Variants in IL20RA observed in about 807,000 individuals in gnomAD.
IL20RA encodes the protein interleukin-20 receptor subunit alpha.
Under a neutral mutation model 36.5 loss-of-function variants are expected in IL20RA, and 29 were observed. That is an observed-to-expected ratio of 0.79 (90% CI 0.59 to 1.08). The LOEUF is 1.08. Among genes scored for constraint, IL20RA ranks in the 50% least tolerant of loss-of-function variants. The pLI is 0.00. For missense variants in IL20RA, 652 were observed against 668.4 expected (o/e 0.98, Z 0.27); for synonymous variants, 279 against 267.1 (o/e 1.04, Z -0.43).
intron 2 of IL20RA, among the ~76,000 whole-genome samples, chr6:137,014,534 G>A (rs1775607909): frequency 6.6e-6 from 1 of 152,084 alleles, no homozygotes; most frequent in Non-Finnish European, 1.5e-5. Flanking sequence ...AACTACAGAA[G>A]TGCAAATGTT....
At chr6:137,043,993 T>G (rs1776805339) in intron 1 of IL20RA, 2 of 571,966 alleles carry the variant, frequency 3.5e-6, no homozygotes, top group Non-Finnish European at 4.4e-6. Context: ...CGTAAACGAG[T>G]TAAAAGTTTT....
chr6:137,043,851 C>T (rs921638182), intron 1 of IL20RA, among the ~76,000 whole-genome samples: 5 of 152,080 alleles, frequency 3.3e-5, no homozygotes, highest in African/African-American at 1.2e-4. Flanking sequence ...AAATCTTTTT[C>T]TCATGTACGA....
intron 5 of IL20RA, among the ~76,000 whole-genome samples, chr6:137,005,631 C>A (rs555936897): frequency 1.3e-3 from 194 of 152,106 alleles, no homozygotes; most frequent in Middle Eastern, 3.4e-3. Flanking sequence ...TATTCTAGAG[C>A]CTTCTGTGAA....
rs779606701 is a variant in IL20RA at position 137,016,979 on chromosome 6, C to T, written c.213G>A (p.Val71=). Reference sequence around the variant, plus strand: ...AAGAAGAAACTTACATGAAATACTGCACAGTGTAAGTAACTTTAACTCCTT... The same window carrying T: ...AAGAAGAAACTTACATGAAATACTGTACAGTGTAAGTAACTTTAACTCCTT... ...GLQGVKVTYT[V]QYFIYGQKKW... Residue 71 remains valine (V), a synonymous_variant, in exon 2 of 7, where the codon GTG becomes GTA. Coordinates refer to ENST00000316649, the MANE Select transcript of IL20RA (RefSeq NM_014432.4). 2.5e-6 allele frequency: 4 copies of T among 1,613,462 alleles called. No individual in the cohort carries two copies. The highest frequency in any genetic ancestry group is 2.2e-5 in the East Asian group (1 of 44,870).
intron 1 of IL20RA, among the ~76,000 whole-genome samples, chr6:137,018,938 A>G (rs181551967): frequency 2.0e-5 from 3 of 152,200 alleles, no homozygotes; most frequent in Non-Finnish European, 4.4e-5. Context: ...GTGCATTATA[A>G]TATCACTGGT....
intron 1 of IL20RA, among the ~76,000 whole-genome samples, chr6:137,021,501 G>GA (rs1775902079): frequency 3.0e-5 from 1 of 33,838 alleles, no homozygotes; most frequent in South Asian, 6.9e-3. Context: ...CCTGTTTCTA[G>GA]CAAAAAAAAA....
intron 1 of IL20RA, among the ~76,000 whole-genome samples, chr6:137,026,492 G>C (rs571570128): frequency 6.6e-6 from 1 of 152,328 alleles, no homozygotes; most frequent in African/African-American, 2.4e-5. Context: ...TGAAGGCACA[G>C]TAACCCATGG....
At chr6:137,007,851 A>G (rs970116522) in intron 5 of IL20RA, among the ~76,000 whole-genome samples, 3 of 152,242 alleles carry the variant, frequency 2.0e-5, no homozygotes, top group Non-Finnish European at 4.4e-5. Flanking sequence ...AGTATTCCCC[A>G]GGGAAAGTAA....
At chr6:137,027,853 G>A (rs1776147872) in intron 1 of IL20RA, among the ~76,000 whole-genome samples, 1 of 152,188 alleles carries the variant, frequency 6.6e-6, no homozygotes. Flanking sequence ...TCTCGCCTGG[G>A]ATACTTACAT....
chr6:137,044,345 G>GCCC, intron 1 of IL20RA: 2 of 1,063,028 alleles, frequency 1.9e-6, no homozygotes, highest in African/African-American at 3.3e-5. Context: ...CGCGCAGAGC[G>GCCC]CACCCCCCAC....
At chr6:137,011,487 C>A in intron 2 of IL20RA, 35 bp from the exon 3 acceptor site, 1 of 1,399,284 alleles carries the variant, frequency 7.1e-7, no homozygotes, top group South Asian at 1.4e-5. Context: ...TAATGAGGTG[C>A]CCTCTATACT....
chr6:137,036,311 G>A lies in IL20RA; in HGVS notation c.88+8330C>T, dbSNP rs577526315. Among the ~76,000 whole-genome samples, 7 of 152,296 alleles carry A rather than the reference G, an allele frequency of 4.6e-5. No homozygotes were observed. The South Asian group carries it at 1.5e-3, about 32-fold the overall frequency. ...GTATTCTATAAGTCTTTGAGGGTAT[G>A]GTAGATGTGATGAGTTGAATTGTGT... On this transcript the variant is annotated intron_variant, in intron 1 of 6. Coordinates refer to ENST00000316649, the MANE Select transcript of IL20RA (RefSeq NM_014432.4).
intron 1 of IL20RA, among the ~76,000 whole-genome samples, chr6:137,041,931 T>C (rs1776710528): frequency 6.6e-6 from 1 of 152,106 alleles, no homozygotes. Flanking sequence ...GTCATCTACA[T>C]TAGGTATTTC....
chr6:137,032,957 G>A (rs187629672), intron 1 of IL20RA, among the ~76,000 whole-genome samples: 16 of 152,270 alleles, frequency 1.1e-4, no homozygotes, highest in Admixed American at 7.8e-4. Flanking sequence ...TAAAACAAGA[G>A]TAATCAGGAT....
chr6:137,004,767 A>T lies in IL20RA; in HGVS notation c.725-7T>A, dbSNP rs1414412301. 7.7e-6 allele frequency: 4 copies of T among 520,872 alleles called. No individual in the cohort carries two copies. The highest frequency in any genetic ancestry group is 1.0e-5 in the Non-Finnish European group (4 of 391,618). The allele number at this position is 520,872 out of a possible 1,614,324, so 32.3% of individuals were successfully genotyped here. A position where few individuals can be genotyped will look rare whatever the true frequency, so the allele number is the denominator to read the frequency against. On this transcript the variant is annotated splice_polypyrimidine_tract_variant and splice_region_variant and intron_variant, in intron 5 of 6. Coordinates refer to ENST00000316649, the MANE Select transcript of IL20RA (RefSeq NM_014432.4). Reference sequence around the variant, plus strand: ...TTGAACTCTGATGATTGATCTGTAAAAAAAAAAAAAAAGGTGGGAATTCGG... The same window carrying T: ...TTGAACTCTGATGATTGATCTGTAATAAAAAAAAAAAAGGTGGGAATTCGG...
intron 5 of IL20RA, among the ~76,000 whole-genome samples, chr6:137,007,674 A>G (rs1036082864): frequency 6.6e-6 from 1 of 152,232 alleles, no homozygotes; most frequent in Non-Finnish European, 1.5e-5. Context: ...GGTATCTCCA[A>G]TCACGGTTCC....
chr6:137,002,311 A>G lies in IL20RA; in HGVS notation c.909T>C (p.Pro303=). 1 of 1,606,462 alleles carries G rather than the reference A, an allele frequency of 6.2e-7. No homozygotes were observed. The highest frequency in any genetic ancestry group is 8.5e-7 in the Non-Finnish European group (1 of 1,177,480). The part of the protein sequence containing the change: ...GNEFDKRFFV[P]AEKIVINFIT... ...TAAAGTTAATCACGATTTTTTCAGCAGGCACAAAGAATCTTTTGTCAAATT... is the reference window on the plus strand; with the variant it reads ...TAAAGTTAATCACGATTTTTTCAGCGGGCACAAAGAATCTTTTGTCAAATT... The change falls in exon 7 of 7, where the codon CCT becomes CCC. Residue 303 remains proline, a synonymous_variant. Transcript: ENST00000316649.
intron 2 of IL20RA, among the ~76,000 whole-genome samples, chr6:137,015,602 G>T (rs1775655503): frequency 6.6e-6 from 1 of 152,160 alleles, no homozygotes; most frequent in Admixed American, 6.5e-5. Flanking sequence ...ACAGGCAAAT[G>T]GATATAAGAA....
In IL20RA at chr6:137,044,709, G is replaced by C. The variant is rs1776842901; in HGVS notation, c.20C>G (p.Pro7Arg). MRAPGR[P>R]ALRPLPLPPL... Reference sequence around the variant, plus strand: ...CGGCAGCGGCAGCGGCCGCAGGGCCGGGCGGCCGGGAGCCCGCATGGGCGG... The same window carrying C: ...CGGCAGCGGCAGCGGCCGCAGGGCCCGGCGGCCGGGAGCCCGCATGGGCGG... The change falls in exon 1 of 7, where the codon CCG becomes CGG. Residue 7 changes from proline (P) to arginine (R), a missense_variant. Transcript: ENST00000316649. The C allele has an allele frequency of 8.2e-7, 1 of 1,220,302 alleles. No homozygotes were observed. Among genetic ancestry groups the C allele is most frequent in the Middle Eastern group, 3.1e-4 (1 of 3,216 alleles). 75.6% of individuals were successfully genotyped at this position (1,220,302 alleles called of 1,614,324 possible). A position where few individuals can be genotyped will look rare whatever the true frequency, so the allele number is the denominator to read the frequency against.
Sources: gnomAD v4.1 joint callset for allele counts (sites outside exome capture counted in the v4.1 genomes callset) on GRCh38, gnomAD v4.1.1 for gene constraint, MANE v1.5 for transcripts, NCBI Gene and HGNC (gene_info 2026-07-23, HGNC 2026-07-21) for gene names.